Variants in ECHS1 observed in about 807,000 individuals in gnomAD.
ECHS1 encodes the protein enoyl-CoA hydratase, short chain 1.
Under a neutral mutation model 33.5 loss-of-function variants are expected in ECHS1, and 19 were observed. The observed-to-expected ratio is 0.57, with a 90% CI of 0.40 to 0.83. The LOEUF is 0.83. Ranked by LOEUF, ECHS1 falls within the 40% of genes least tolerant of loss-of-function variation. The pLI, the probability that ECHS1 is intolerant of heterozygous loss-of-function variation, is 0.00. For synonymous variants in ECHS1, 158 were observed against 146.6 expected, an observed-to-expected ratio of 1.08 and a Z score of -0.56; for missense variants, 365 against 381.3, an observed-to-expected ratio of 0.96 and a Z score of 0.36.
intron 7 of ECHS1, 149 bp from the exon 8 acceptor site, chr10:133,363,082 C>T: frequency 1.2e-6 from 1 of 841,646 alleles, no homozygotes; most frequent in Non-Finnish European, 1.9e-6. Context: ...GCAGGAACAC[C>T]TGCCCAATCA....
rs1564802380 is a variant in ECHS1 at position 133,362,889 on chromosome 10, C to T, written c.852G>A (p.Lys284=). 4 of 1,614,152 alleles carry T rather than the reference C, an allele frequency of 2.5e-6. No homozygotes were observed. The highest frequency in any genetic ancestry group is 3.4e-6 in the Non-Finnish European group (4 of 1,180,042). ...EGMTAFVEKR[K]ANFKDQ Reference sequence around the variant, plus strand: ...GTTCTCACTGGTCTTTGAAGTTGGCCTTTCTCTTTTCCACAAACGCGGTCA... The same window carrying T: ...GTTCTCACTGGTCTTTGAAGTTGGCTTTTCTCTTTTCCACAAACGCGGTCA... Residue 284 remains lysine (K), a synonymous_variant, in exon 8 of 8, where the codon AAG becomes AAA. Transcript: ENST00000368547.
At chr10:133,365,187 C>T (rs1206294043) in intron 6 of ECHS1, among the ~76,000 whole-genome samples, 8 of 152,220 alleles carry the variant, frequency 5.3e-5, no homozygotes, top group Middle Eastern at 3.2e-3. Context: ...GATCCAGGTG[C>T]GCAGATGGAG....
intron 4 of ECHS1, among the ~76,000 whole-genome samples, chr10:133,367,285 T>C (rs1849046337): frequency 6.6e-6 from 1 of 151,898 alleles, no homozygotes; most frequent in Non-Finnish European, 1.5e-5. Context: ...AGAATAACAA[T>C]AGTTATAATA....
Position 133,365,981 on chromosome 10 carries a change from T to G in ECHS1, c.734A>C (p.Asn245Thr). 1.2e-6 allele frequency: 2 copies of G among 1,613,866 alleles called. No individual in the cohort carries two copies. The highest frequency in any genetic ancestry group is 8.5e-7 in the Non-Finnish European group (1 of 1,179,996). The change falls in exon 6 of 8, where the codon AAT (asparagine) becomes ACT (threonine). Residue 245 changes from asparagine (N) to threonine (T), a missense_variant. Physicochemically the swap from Asn to Thr is moderately conservative, Grantham distance 65 (BLOSUM62 0). Transcript: ENST00000368547. ...CTTCCTGGCAGATCCCCTACCTGCA[T>G]TCACTGATTCTTTGGCCATCGCTAC... ...IVVAMAKESV[N>T]AAFEMTLTEG... is the part of the protein sequence containing the mutation.
Position 133,366,064 on chromosome 10 carries a change from T to G in ECHS1, c.651A>C (p.Thr217=). The change falls in exon 6 of 8, where the codon ACA becomes ACC. Residue 217 remains threonine, a synonymous_variant. Transcript: ENST00000368547. The part of the protein sequence containing the change: ...GLVSKICPVE[T]LVEEAIQCAE... ...CACACTGGATGGCTTCTTCCACCAG[T>G]GTCTCAACAGGACAAATCTTGCTGA... 10 of 1,613,874 alleles carry G rather than the reference T, an allele frequency of 6.2e-6. No homozygotes were observed. Among genetic ancestry groups the G allele is most frequent in the Non-Finnish European group, 8.5e-6 (10 of 1,180,000 alleles).
intron 1 of ECHS1, among the ~76,000 whole-genome samples, chr10:133,372,864 G>A (rs919771861): frequency 1.0e-4 from 14 of 135,772 alleles, no homozygotes; most frequent in African/African-American, 3.4e-4. Context: ...TGGTAGGTGC[G>A]GGGTCAGGCA....
At chr10:133,370,152 AC>A (rs1489556721) in intron 2 of ECHS1, 121 bp from the exon 3 acceptor site, 1 of 1,388,236 alleles carries the variant, frequency 7.2e-7, no homozygotes, top group Non-Finnish European at 9.8e-7. Flanking sequence ...GTTGCTGGGC[AC>A]GGCTGACACC....
At chr10:133,363,384 C>CGCATCTGTACAT (rs1554885613) in intron 7 of ECHS1, among the ~76,000 whole-genome samples, 1 of 151,792 alleles carries the variant, frequency 6.6e-6, no homozygotes, top group South Asian at 2.1e-4. Context: ...CACACACACA[C>CGCATCTGTACAT]GCATCTGTAC....
At chr10:133,372,321 C>T (rs1345845127) in intron 1 of ECHS1, among the ~76,000 whole-genome samples, 1 of 152,204 alleles carries the variant, frequency 6.6e-6, no homozygotes, top group East Asian at 1.9e-4. Context: ...CAAGATTCCT[C>T]AGATACTAGA....
At chr10:133,370,779 G>C (rs1281090113) in intron 1 of ECHS1, 22 bp from the exon 2 acceptor site, 2 of 1,600,030 alleles carry the variant, frequency 1.2e-6, no homozygotes. Context: ...AGGCAAAAAG[G>C]GGTATCTATT....
In ECHS1 at chr10:133,373,320, C is replaced by A; in HGVS notation, c.14G>T (p.Arg5Leu). Residue 5 changes from arginine (R) to leucine (L), a missense_variant, in exon 1 of 8, where the codon CGT becomes CTT. By Grantham distance (102) the Arg-to-Leu change is moderately radical. Coordinates refer to ENST00000368547, the MANE Select transcript of ECHS1 (RefSeq NM_004092.4). ...GCCGCGGACGCAGGACAGCAGGACA[C>A]GCAGGGCGGCCATGGCTCTCTGGAC... is the stretch of plus-strand genomic sequence containing the variant. Reference protein sequence around the residue: MAALRVLLSCVRGPL... With the variant: MAALLVLLSCVRGPL... 2.0e-6 allele frequency: 3 copies of A among 1,502,854 alleles called. No homozygotes were observed. The highest frequency in any genetic ancestry group is 2.7e-6 in the Non-Finnish European group (3 of 1,131,812). 93.1% of individuals were successfully genotyped at this position (1,502,854 alleles called of 1,614,324 possible). A position where few individuals can be genotyped will look rare whatever the true frequency, so the allele number is the denominator to read the frequency against.
At chr10:133,364,564 A>C (rs1849005117) in intron 7 of ECHS1, 94 bp downstream of exon 7, 3 of 1,023,394 alleles carry the variant, frequency 2.9e-6, no homozygotes, top group African/African-American at 1.6e-5. Flanking sequence ...GACCAGAAAG[A>C]AACGATACTT....
intron 4 of ECHS1, 124 bp downstream of exon 4, chr10:133,368,799 C>T (rs899735736): frequency 9.1e-6 from 8 of 875,624 alleles, no homozygotes; most frequent in Non-Finnish European, 1.4e-5. Flanking sequence ...AGAGGGACCA[C>T]TGACCAGCCA....
At chr10:133,373,128 G>A (rs1849137611) in intron 1 of ECHS1, 118 bp downstream of exon 1, 1 of 767,986 alleles carries the variant, frequency 1.3e-6, no homozygotes, top group East Asian at 3.5e-5. Context: ...GGTGTGGGTT[G>A]GGGTCAGGTG....
At chr10:133,371,733 G>A (rs1849111447) in intron 1 of ECHS1, 1 of 154,664 alleles carries the variant, frequency 6.5e-6, no homozygotes, top group Admixed American at 6.5e-5. Context: ...AAAAGACAAA[G>A]GTAGCCTGTG....
intron 1 of ECHS1, among the ~76,000 whole-genome samples, chr10:133,372,883 C>T (rs1271563946): frequency 4.1e-5 from 4 of 97,916 alleles, no homozygotes; most frequent in Non-Finnish European, 6.0e-5. Context: ...CAGGAGAGTG[C>T]GGAGTCAGGC....
At position 133,373,297 on chromosome 10, in the gene ECHS1, C is replaced by A. The variant is rs748723043; in HGVS notation, c.37G>T (p.Gly13Cys). The A allele has an allele frequency of 1.3e-6, 2 of 1,487,172 alleles. No individual in the cohort carries two copies. The highest frequency in any genetic ancestry group is 1.8e-6 in the Non-Finnish European group (2 of 1,124,710). 92.1% of individuals were successfully genotyped at this position (1,487,172 alleles called of 1,614,324 possible). Residue 13 changes from glycine (G) to cysteine (C), a missense_variant, in exon 1 of 8, where the codon GGC (glycine) becomes TGC (cysteine). By Grantham distance (159) the Gly-to-Cys change is radical. Coordinates refer to ENST00000368547, the MANE Select transcript of ECHS1 (RefSeq NM_004092.4). ...CAGCGAACCGGGGGCCTCAGCGGGC[C>A]GCGGACGCAGGACAGCAGGACACGC... ...ALRVLLSCVR[G>C]PLRPPVRCPA...
chr10:133,367,591 A>T (rs1849049996), intron 4 of ECHS1, among the ~76,000 whole-genome samples: 1 of 151,574 alleles, frequency 6.6e-6, no homozygotes, highest in African/African-American at 2.4e-5. Flanking sequence ...CTTTCCTTGG[A>T]GGAGTCAGGG....
At chr10:133,368,040 C>T (rs1202666965) in intron 4 of ECHS1, among the ~76,000 whole-genome samples, 2 of 152,160 alleles carry the variant, frequency 1.3e-5, no homozygotes, top group Non-Finnish European at 2.9e-5. Flanking sequence ...GTATTGGTCC[C>T]CCAGGCCCAG....
Sources: allele counts gnomAD v4.1 joint callset (sites outside exome capture counted in the v4.1 genomes callset), GRCh38; gene constraint gnomAD v4.1.1; transcripts MANE v1.5; gene names NCBI Gene and HGNC (gene_info 2026-07-23, HGNC 2026-07-21).